Variants in CFAP299 observed in about 807,000 individuals in gnomAD.
CFAP299 encodes the protein cilia- and flagella-associated protein 299.
In CFAP299, 21 loss-of-function variants were observed where a neutral mutation model predicts 27.0. The observed-to-expected ratio is 0.78, with a 90% CI of 0.55 to 1.12. The LOEUF (loss-of-function observed/expected upper bound fraction) is 1.12. Among genes scored for constraint, CFAP299 ranks in the 50% most tolerant of loss-of-function variants. The probability of loss-of-function intolerance (pLI) is 0.00; values close to 1 mark genes in which losing one functional copy is unlikely to be tolerated. For synonymous variants in CFAP299, 104 were observed against 98.1 expected (o/e 1.06, Z -0.36); for missense variants, 310 against 276.6 (o/e 1.12, Z -0.86).
intron 4 of CFAP299, among the ~76,000 whole-genome samples, chr4:80,931,192 T>C (rs1368060216): frequency 6.6e-6 from 1 of 151,568 alleles, no homozygotes; most frequent in Non-Finnish European, 1.5e-5. Context: ...AGTGAGTGAA[T>C]TAGCATGGCT....
intron 4 of CFAP299, among the ~76,000 whole-genome samples, chr4:80,917,125 G>T (rs1408594496): frequency 6.6e-6 from 1 of 152,096 alleles, no homozygotes; most frequent in African/African-American, 2.4e-5. Flanking sequence ...CTAACAGGGT[G>T]GTACTAAAAG....
intron 3 of CFAP299, among the ~76,000 whole-genome samples, chr4:80,620,378 G>T (rs1738521916): frequency 6.6e-6 from 1 of 152,150 alleles, no homozygotes; most frequent in Admixed American, 6.6e-5. Flanking sequence ...AGAGCAATTT[G>T]CTGACAAGGG....
chr4:80,836,211 A>G (rs1434301451), intron 3 of CFAP299, among the ~76,000 whole-genome samples: 1 of 152,240 alleles, frequency 6.6e-6, no homozygotes, highest in Non-Finnish European at 1.5e-5. Context: ...TAATATTTGA[A>G]TAACACTTTC....
intron 3 of CFAP299, among the ~76,000 whole-genome samples, chr4:80,631,869 C>CGCT (rs146118097): frequency 1.8e-5 from 2 of 113,184 alleles, no homozygotes; most frequent in African/African-American, 2.8e-5. Context: ...GCCCCACCCC[C>CGCT]CCCCAACCAA....
chr4:80,811,181 A>G (rs897670721), intron 3 of CFAP299, among the ~76,000 whole-genome samples: 5 of 152,146 alleles, frequency 3.3e-5, no homozygotes, highest in Admixed American at 6.6e-5. Flanking sequence ...CAATTTGTAT[A>G]TTTAAAATAA....
chr4:80,431,781 C>T (rs564885858), intron 2 of CFAP299, among the ~76,000 whole-genome samples: 2 of 152,180 alleles, frequency 1.3e-5, no homozygotes, highest in Non-Finnish European at 2.9e-5. Flanking sequence ...GCTGGCAGCT[C>T]AGTAGCCATT....
chr4:80,391,419 T>G (rs915131514), intron 2 of CFAP299, among the ~76,000 whole-genome samples: 6 of 152,136 alleles, frequency 3.9e-5, no homozygotes, highest in Non-Finnish European at 7.4e-5. Flanking sequence ...TTCTAACAGG[T>G]GTGAAGTGTT....
chr4:80,352,981 A>C (rs1723085915), intron 1 of CFAP299, among the ~76,000 whole-genome samples: 1 of 152,196 alleles, frequency 6.6e-6, no homozygotes, highest in Non-Finnish European at 1.5e-5. Context: ...TCTAGAAATT[A>C]ATGATAGTAG....
intron 3 of CFAP299, among the ~76,000 whole-genome samples, chr4:80,784,990 A>G (rs982086062): frequency 2.6e-5 from 4 of 152,076 alleles, no homozygotes; most frequent in African/African-American, 9.7e-5. Flanking sequence ...TTCCCAGTCC[A>G]TAGGTTGCCT....
At chr4:80,837,674 C>A (rs1285378562) in intron 3 of CFAP299, among the ~76,000 whole-genome samples, 1 of 152,122 alleles carries the variant, frequency 6.6e-6, no homozygotes, top group Non-Finnish European at 1.5e-5. Flanking sequence ...TTTTCTTTAT[C>A]CAGTCTATCA....
At chr4:80,787,509 C>CT (rs1196467448) in intron 3 of CFAP299, among the ~76,000 whole-genome samples, 1 of 151,898 alleles carries the variant, frequency 6.6e-6, no homozygotes, top group Non-Finnish European at 1.5e-5. Flanking sequence ...CCTTATAGTA[C>CT]TTCCTTCTTG....
At chr4:80,826,505 A>G (rs1729996577) in intron 3 of CFAP299, among the ~76,000 whole-genome samples, 1 of 151,834 alleles carries the variant, frequency 6.6e-6, no homozygotes, top group Non-Finnish European at 1.5e-5. Flanking sequence ...TTAATATAGC[A>G]AGAATATATA....
rs138587243 is a variant in CFAP299, at chr4:80,868,557, C to T, written c.334-1436C>T. Reference sequence around the variant, plus strand: ...ATTTGTTTCCTGCATCCTCACCCCACAAGGTCATGGAAACCTTGCTTGAAT... The same window carrying T: ...ATTTGTTTCCTGCATCCTCACCCCATAAGGTCATGGAAACCTTGCTTGAAT... On this transcript the variant is annotated intron_variant, in intron 3 of 5. Coordinates refer to ENST00000358105, the MANE Select transcript of CFAP299 (RefSeq NM_152770.3). Among the ~76,000 whole-genome samples the T allele has an allele frequency of 2.5e-3, 383 of 152,278 alleles. 5 individuals carry two copies. The highest frequency in any genetic ancestry group is 8.6e-3 in the African/African-American group (359 of 41,568).
At chr4:80,343,617 G>A (rs1030918284) in intron 1 of CFAP299, among the ~76,000 whole-genome samples, 1 of 151,442 alleles carries the variant, frequency 6.6e-6, no homozygotes, top group Non-Finnish European at 1.5e-5. Flanking sequence ...GTGAAACCCC[G>A]TCTCTACTAA....
At chr4:80,860,784 A>T (rs994685761) in intron 3 of CFAP299, among the ~76,000 whole-genome samples, 3 of 152,134 alleles carry the variant, frequency 2.0e-5, no homozygotes, top group African/African-American at 7.2e-5. Flanking sequence ...GTCTCAGAGG[A>T]GTACCTGGCC....
At chr4:80,855,279 A>G (rs540449234) in intron 3 of CFAP299, among the ~76,000 whole-genome samples, 86 of 152,266 alleles carry the variant, frequency 5.6e-4, no homozygotes, top group Middle Eastern at 3.4e-3. Context: ...ATCTATATTC[A>G]TCACTGTACC....
intron 3 of CFAP299, among the ~76,000 whole-genome samples, chr4:80,622,636 T>C (rs1458013441): frequency 6.6e-6 from 1 of 152,172 alleles, no homozygotes; most frequent in African/African-American, 2.4e-5. Context: ...TGGGTTTATA[T>C]TTAAAGTACC....
At chr4:80,493,803 C>G (rs1731279582) in intron 2 of CFAP299, among the ~76,000 whole-genome samples, 1 of 103,970 alleles carries the variant, frequency 9.6e-6, no homozygotes, top group Non-Finnish European at 1.7e-5. Context: ...GAGTCTCGCT[C>G]TGTCGCCCAG....
At chr4:80,520,427 C>A (rs1019935308) in intron 2 of CFAP299, among the ~76,000 whole-genome samples, 2 of 152,190 alleles carry the variant, frequency 1.3e-5, no homozygotes, top group African/African-American at 4.8e-5. Flanking sequence ...GCTTTATCTT[C>A]ATTCTCAGAA....
Sources: gnomAD v4.1 joint callset for allele counts (sites outside exome capture counted in the v4.1 genomes callset) on GRCh38, gnomAD v4.1.1 for gene constraint, MANE v1.5 for transcripts, NCBI Gene and HGNC (gene_info 2026-07-23, HGNC 2026-07-21) for gene names.